Variants in RBM19 observed in about 807,000 individuals in gnomAD.
RBM19 encodes probable RNA-binding protein 19.
In RBM19, 94 loss-of-function variants were observed where a neutral mutation model predicts 116.8. The observed-to-expected ratio is 0.80, with a 90% CI of 0.68 to 0.95. The LOEUF is 0.95. Ranked by LOEUF, RBM19 falls within the 40% of genes least tolerant of loss-of-function variation. RBM19 has a pLI of 0.00. For synonymous variants in RBM19, 475 were observed against 494.1 expected, an observed-to-expected ratio of 0.96 and a Z score of 0.51; for missense variants, 1,161 against 1,220.7, an observed-to-expected ratio of 0.95 and a Z score of 0.73.
rs572718438 is a variant in RBM19, at chr12:113,962,370, C to A, written c.81G>T (p.Thr27=). The A allele has an allele frequency of 6.2e-7, 1 of 1,614,216 alleles. No individual in the cohort carries two copies. Among genetic ancestry groups the A allele is most frequent in the Non-Finnish European group, 8.5e-7 (1 of 1,180,006 alleles). ...TGAACTTCAGGCTGCAGTCTGTCAG[C>A]GTGCCGAAGGCGGCAAACAGCTGCC... The part of the protein sequence containing the change: ...RFRQLFAAFG[T]LTDCSLKFTK... Residue 27 remains threonine (T), a synonymous_variant, in exon 2 of 24, where the codon ACG becomes ACT. Transcript: ENST00000261741.
rs934350675 is a variant in RBM19, at chr12:113,936,997, C to T, written c.2068+10G>A. 2 of 1,613,014 alleles carry T rather than the reference C, an allele frequency of 1.2e-6. No homozygotes were observed. The highest frequency in any genetic ancestry group is 1.7e-6 in the Non-Finnish European group (2 of 1,179,648). On this transcript the variant is annotated intron_variant, in intron 16 of 23. Transcript: ENST00000261741. ...TCCCAAGCCATCCTGGTCTCAGACT[C>T]AGCTCTTACCTGTTTCTGGCTCTGC...
chr12:113,858,975 C>T, intron 21 of RBM19, 79 bp from the exon 22 acceptor site: 1 of 1,268,946 alleles, frequency 7.9e-7, no homozygotes, highest in Non-Finnish European at 1.1e-6. Context: ...CTGATTCTCA[C>T]ATGTAAATCC....
chr12:113,900,765 G>C (rs772456533), intron 21 of RBM19, among the ~76,000 whole-genome samples: 1 of 152,194 alleles, frequency 6.6e-6, no homozygotes, highest in Non-Finnish European at 1.5e-5. Context: ...ACTTCTCTTG[G>C]CTTGAGCAGC....
At chr12:113,851,720 C>T (rs2135728975) in intron 22 of RBM19, among the ~76,000 whole-genome samples, 1 of 150,710 alleles carries the variant, frequency 6.6e-6, no homozygotes, top group East Asian at 2.0e-4. Context: ...GTTGCTGGTG[C>T]CATTTGTGGT....
intron 22 of RBM19, 49 bp from the exon 23 acceptor site, chr12:113,844,837 C>T (rs200553292): frequency 6.6e-5 from 102 of 1,543,770 alleles, no homozygotes; most frequent in Non-Finnish European, 8.2e-5. Flanking sequence ...ATCAGTGCGG[C>T]AGACACTCCA....
Position 113,962,127 on chromosome 12 carries a change from C to T in RBM19, c.219+105G>A. 2.2e-6 allele frequency: 3 copies of T among 1,353,284 alleles called. No individual in the cohort carries two copies. In the South Asian group the frequency reaches 4.0e-5, roughly 18 times the overall value. The allele number at this position is 1,353,284 out of a possible 1,614,324, so 83.8% of individuals were successfully genotyped here. A position where few individuals can be genotyped will look rare whatever the true frequency, so the allele number is the denominator to read the frequency against. On this transcript the variant is annotated intron_variant, in intron 2 of 23. Transcript: ENST00000261741. ...AATCGGTGAGGAAGAAAACCAAAGA[C>T]ATCACAAAGTGAAGAGGGACGGTCT...
intron 2 of RBM19, among the ~76,000 whole-genome samples, chr12:113,960,806 A>G (rs951446634): frequency 6.6e-6 from 1 of 152,200 alleles, no homozygotes; most frequent in African/African-American, 2.4e-5. Flanking sequence ...CTAGGGTGAT[A>G]GGGGCACTGG....
At chr12:113,856,309 C>T (rs1877897857) in intron 22 of RBM19, among the ~76,000 whole-genome samples, 1 of 152,218 alleles carries the variant, frequency 6.6e-6, no homozygotes, top group African/African-American at 2.4e-5. Flanking sequence ...AAGTGCGAGC[C>T]ACCTGGGCAC....
At chr12:113,947,952 C>T (rs1485589255) in intron 10 of RBM19, among the ~76,000 whole-genome samples, 1 of 152,208 alleles carries the variant, frequency 6.6e-6, no homozygotes. Flanking sequence ...ATGCTTCTCC[C>T]CCTCAGCCCA....
chr12:113,842,053 T>C (rs1056488454), intron 23 of RBM19, among the ~76,000 whole-genome samples: 9 of 152,246 alleles, frequency 5.9e-5, no homozygotes, highest in Non-Finnish European at 1.0e-4. Context: ...TGGGAAGATG[T>C]AGGCAAATGA....
chr12:113,818,458 C>T (rs745936537), downstream of RBM19, among the ~76,000 whole-genome samples: 105 of 152,318 alleles, frequency 6.9e-4, no homozygotes, highest in Non-Finnish European at 1.1e-3. Context: ...CATGGCGCAG[C>T]GCCCTGTGAG....
rs149095460 is a variant in RBM19, at chr12:113,858,827, G to A, written c.2628C>T (p.Phe876=). The A allele has an allele frequency of 1.2e-6, 2 of 1,614,040 alleles. No individual in the cohort carries two copies. The highest frequency in any genetic ancestry group is 2.2e-5 in the East Asian group (1 of 44,880). The change falls in exon 22 of 24, where the codon TTC becomes TTT. Residue 876 remains phenylalanine (F), a synonymous_variant. Coordinates refer to ENST00000261741, the MANE Select transcript of RBM19 (RefSeq NM_016196.4). ...GCTTGGTGAGGAAGTCCACAAAGCC[G>A]AAGCCTCTGTGTGTGCCTGTCCCAG... is the stretch of plus-strand genomic sequence containing the variant. ...KMTGTGTHRG[F]GFVDFLTKQD... is the part of the protein sequence containing the mutation.
At chr12:113,918,487 G>A in intron 19 of RBM19, 40 bp from the exon 20 acceptor site, 1 of 1,605,024 alleles carries the variant, frequency 6.2e-7, no homozygotes, top group East Asian at 2.2e-5. Flanking sequence ...TCTGTCCCGA[G>A]AAATACTCAC....
At chr12:113,861,732 A>G (rs1488048626) in intron 21 of RBM19, among the ~76,000 whole-genome samples, 1 of 152,128 alleles carries the variant, frequency 6.6e-6, no homozygotes, top group African/African-American at 2.4e-5. Flanking sequence ...GAGGCTACAG[A>G]AGACATGCTT....
At chr12:113,817,849 C>A (rs1874151709), downstream of RBM19, 1 of 152,284 alleles carries the variant, frequency 6.6e-6, no homozygotes. Flanking sequence ...AATCTCAGCA[C>A]TTTGGGAGAA....
At chr12:113,866,579 A>G (rs1878824290) in intron 21 of RBM19, among the ~76,000 whole-genome samples, 1 of 152,208 alleles carries the variant, frequency 6.6e-6, no homozygotes, top group Admixed American at 6.5e-5. Context: ...AACCTGGGCA[A>G]ATCATTTCCA....
At chr12:113,942,074 C>T (rs377479735) in intron 14 of RBM19, among the ~76,000 whole-genome samples, 1 of 151,992 alleles carries the variant, frequency 6.6e-6, no homozygotes, top group Non-Finnish European at 1.5e-5. Flanking sequence ...TTGGGGGTGC[C>T]GATCTGTGTG....
At chr12:113,942,881 G>A (rs941268970) in intron 13 of RBM19, among the ~76,000 whole-genome samples, 60 of 152,270 alleles carry the variant, frequency 3.9e-4, no homozygotes, top group African/African-American at 1.3e-3. Flanking sequence ...AAAGTGCCAG[G>A]ATTACAGGCG....
Position 113,895,061 on chromosome 12 carries a change from G to C in RBM19, c.2558+19908C>G, listed in dbSNP as rs182126048. ...TCAAGGCTTCTGTGCAGCATGCACA[G>C]TGATAGTTGATATTTGCAAGGATGA... On this transcript the variant is annotated intron_variant, in intron 21 of 23. Coordinates refer to ENST00000261741, the MANE Select transcript of RBM19 (RefSeq NM_016196.4). 2.4e-3 allele frequency among the ~76,000 whole-genome samples: 372 copies of C among 152,370 alleles called. 3 individuals are homozygous for C. The highest frequency in any genetic ancestry group is 0.01 in the Middle Eastern group (3 of 294).
Sources: gnomAD v4.1 joint callset for allele counts (sites outside exome capture counted in the v4.1 genomes callset) on GRCh38, gnomAD v4.1.1 for gene constraint, MANE v1.5 for transcripts, NCBI Gene and HGNC (gene_info 2026-07-23, HGNC 2026-07-21) for gene names.